The following GABBR2 variants were observed in gnomAD, a reference collection of about 807,000 sequenced individuals.
GABBR2 encodes the protein gamma-aminobutyric acid type B receptor subunit 2.
GABBR2 carries 23 observed loss-of-function variants against 105.6 expected under a neutral mutation model. That is an observed-to-expected ratio of 0.22 (90% CI 0.16 to 0.31). The LOEUF is 0.31. GABBR2 is among the 10% of genes least tolerant of loss of function. GABBR2 has a pLI of 1.00. For missense variants in GABBR2, 734 were observed against 1,245.5 expected, an observed-to-expected ratio of 0.59 and a Z score of 6.18; for synonymous variants, 478 against 499.7, an observed-to-expected ratio of 0.96 and a Z score of 0.58.
At chr9:98,639,434 T>C (rs1829927855) in intron 1 of GABBR2, among the ~76,000 whole-genome samples, 2 of 152,096 alleles carry the variant, frequency 1.3e-5, no homozygotes, top group African/African-American at 4.8e-5. Context: ...GTCATTGCCC[T>C]GGAAATGGAC....
chr9:98,399,667 C>T (rs1832355549), intron 8 of GABBR2, among the ~76,000 whole-genome samples: 1 of 152,156 alleles, frequency 6.6e-6, no homozygotes, highest in Admixed American at 6.5e-5. Flanking sequence ...TGAGAAACTT[C>T]AAAAGCACAA....
At chr9:98,604,066 G>A (rs1829378772) in intron 1 of GABBR2, among the ~76,000 whole-genome samples, 1 of 152,208 alleles carries the variant, frequency 6.6e-6, no homozygotes, top group Admixed American at 6.5e-5. Flanking sequence ...GCACAGGGTG[G>A]TGCTTTTCAA....
intron 14 of GABBR2, among the ~76,000 whole-genome samples, chr9:98,310,096 CT>C (rs1830612691): frequency 6.6e-6 from 1 of 152,142 alleles, no homozygotes; most frequent in Non-Finnish European, 1.5e-5. Flanking sequence ...CAGTGACCAG[CT>C]TTGTGTCACT....
At chr9:98,447,187 A>G (rs1047118622) in intron 7 of GABBR2, among the ~76,000 whole-genome samples, 5 of 137,842 alleles carry the variant, frequency 3.6e-5, no homozygotes, top group East Asian at 2.3e-4. Context: ...TCAGCCTCCC[A>G]AGTAGCTGGG....
chr9:98,402,577 G>A (rs1352646369), intron 8 of GABBR2, among the ~76,000 whole-genome samples: 2 of 152,236 alleles, frequency 1.3e-5, no homozygotes, highest in East Asian at 1.9e-4. Flanking sequence ...CCTAGGATGC[G>A]CTGTTAGTGG....
chr9:98,294,001 T>C (rs756742304), intron 17 of GABBR2, 99 bp from the exon 18 acceptor site: 2 of 772,450 alleles, frequency 2.6e-6, no homozygotes, highest in Non-Finnish European at 4.6e-6. Context: ...AGAGACAGAA[T>C]GCAAAAGAGC....
intron 13 of GABBR2, among the ~76,000 whole-genome samples, chr9:98,335,151 T>G (rs188849078): frequency 6.6e-6 from 1 of 152,156 alleles, no homozygotes. Flanking sequence ...TTCCTTGCTC[T>G]CTCTCTTCCA....
At chr9:98,360,351 G>A (rs1266519472) in intron 13 of GABBR2, among the ~76,000 whole-genome samples, 4 of 152,156 alleles carry the variant, frequency 2.6e-5, no homozygotes, top group African/African-American at 9.7e-5. Flanking sequence ...CAGATCAAAG[G>A]GTTCTGTTAC....
chr9:98,443,673 A>G (rs180980112), intron 7 of GABBR2, among the ~76,000 whole-genome samples: 3 of 152,330 alleles, frequency 2.0e-5, no homozygotes, highest in Admixed American at 1.3e-4. Context: ...TTCAATCAGC[A>G]AATATATTTC....
chr9:98,518,410 T>C (rs1296051187), intron 3 of GABBR2, among the ~76,000 whole-genome samples: 1 of 152,238 alleles, frequency 6.6e-6, no homozygotes, highest in East Asian at 1.9e-4. Context: ...TTGTAATTCA[T>C]TTCACCACTG....
intron 1 of GABBR2, among the ~76,000 whole-genome samples, chr9:98,620,556 G>T (rs1167774): frequency 0.81 from 123,385 of 151,792 alleles, 50,628 homozygotes; most frequent in Middle Eastern, 0.9. Flanking sequence ...ACCCACCCTT[G>T]ATTTTTTAAA....
At chr9:98,440,282 G>A (rs1460519916) in intron 7 of GABBR2, among the ~76,000 whole-genome samples, 2 of 152,182 alleles carry the variant, frequency 1.3e-5, no homozygotes, top group Non-Finnish European at 2.9e-5. Flanking sequence ...CTGCAAAGAT[G>A]TCCCATCTCT....
chr9:98,598,865 C>G (rs1008643606), intron 1 of GABBR2, among the ~76,000 whole-genome samples: 1 of 152,210 alleles, frequency 6.6e-6, no homozygotes, highest in African/African-American at 2.4e-5. Flanking sequence ...AGAATTTTCC[C>G]TGTTCCATCA....
At chr9:98,499,348 T>A (rs1285697167) in intron 3 of GABBR2, among the ~76,000 whole-genome samples, 2 of 152,186 alleles carry the variant, frequency 1.3e-5, no homozygotes, top group African/African-American at 2.4e-5. Flanking sequence ...ATTTCACAGA[T>A]GAGGAAACTG....
In GABBR2 at chr9:98,290,281, T is replaced by TTTTTTTTTTTTTTTTTC. The variant is rs1830279572; in HGVS notation, c.*302_*303insGAAAAAAAAAAAAAAAA. 6.5e-6 allele frequency: 1 copy of TTTTTTTTTTTTTTTTTC among 154,828 alleles called. No individual in the cohort carries two copies. The highest frequency in any genetic ancestry group is 1.1e-5 in the Non-Finnish European group (1 of 88,678). 9.6% of individuals were successfully genotyped at this position (154,828 alleles called of 1,614,324 possible). On this transcript the variant is annotated 3_prime_UTR_variant, in exon 19 of 19. Coordinates refer to ENST00000259455, the MANE Select transcript of GABBR2 (RefSeq NM_005458.8). ...GTCTAGTTTTTTTGTTTTTTTTTTT[T>TTTTTTTTTTTTTTTTTC]TTTTTTTTTTTTTGCAAGTTTGATA...
intron 3 of GABBR2, among the ~76,000 whole-genome samples, chr9:98,500,768 G>A (rs111520538): frequency 0.026 from 4,034 of 152,230 alleles, 160 homozygotes; most frequent in African/African-American, 0.091. Flanking sequence ...ATGTGAGTTC[G>A]TGCCAGAAAG....
chr9:98,338,467 G>A (rs1236152383), intron 13 of GABBR2, among the ~76,000 whole-genome samples: 2 of 152,098 alleles, frequency 1.3e-5, no homozygotes, highest in Non-Finnish European at 2.9e-5. Context: ...CAAAGTCTCT[G>A]AATAGACATT....
At chr9:98,456,284 C>T (rs1462362155) in intron 6 of GABBR2, among the ~76,000 whole-genome samples, 2 of 152,160 alleles carry the variant, frequency 1.3e-5, no homozygotes, top group South Asian at 2.1e-4. Context: ...TGTTTCTCTG[C>T]CAGAAAGCTC....
At chr9:98,683,639 G>A (rs767946946) in intron 1 of GABBR2, among the ~76,000 whole-genome samples, 3 of 152,006 alleles carry the variant, frequency 2.0e-5, no homozygotes, top group Non-Finnish European at 2.9e-5. Context: ...TTTTGTTTCC[G>A]GGCTGAATGC....
Sources: allele counts gnomAD v4.1 joint callset (sites outside exome capture counted in the v4.1 genomes callset), GRCh38; gene constraint gnomAD v4.1.1; transcripts MANE v1.5; gene names NCBI Gene and HGNC (gene_info 2026-07-23, HGNC 2026-07-21).